The following GRAMD2B variants were observed in gnomAD, a reference collection of about 807,000 sequenced individuals.
GRAMD2B encodes GRAM domain-containing protein 2B.
GRAMD2B carries 41 observed loss-of-function variants against 59.2 expected under a neutral mutation model. The ratio of observed to expected loss-of-function variants is 0.69; its 90% CI spans 0.54 to 0.90. The LOEUF (loss-of-function observed/expected upper bound fraction) is 0.90, where lower values mean the gene tolerates loss of function less well. Among genes scored for constraint, GRAMD2B ranks in the 40% least tolerant of loss-of-function variants. The probability of loss-of-function intolerance (pLI) is 0.00; values close to 1 mark genes in which losing one functional copy is unlikely to be tolerated. For missense variants in GRAMD2B, 424 were observed against 500.5 expected (o/e 0.85, Z 1.46); for synonymous variants, 161 against 182.7 (o/e 0.88, Z 0.96).
intron 4 of GRAMD2B, 48 bp from the exon 5 acceptor site, chr5:126,473,217 T>G (rs781155473): frequency 1.4e-6 from 1 of 691,196 alleles, no homozygotes; most frequent in Non-Finnish European, 2.3e-6. Context: ...CGGTTTTTAT[T>G]TTAAGTGGAA....
At chr5:126,484,602 A>G (rs1009822808) in intron 10 of GRAMD2B, 78 bp downstream of exon 10, 42 of 1,289,618 alleles carry the variant, frequency 3.3e-5, no homozygotes, top group Non-Finnish European at 4.3e-5. Flanking sequence ...TTTTTTTTAG[A>G]CAGCATCTTG....
chr5:126,415,625 A>T (rs926956775), intron 1 of GRAMD2B, among the ~76,000 whole-genome samples: 4 of 152,200 alleles, frequency 2.6e-5, no homozygotes, highest in Non-Finnish European at 5.9e-5. Flanking sequence ...ATCTGTGGCT[A>T]CTTGAGAAAA....
rs544704394 is a variant in GRAMD2B, at chr5:126,456,655, C to T, written c.84-8771C>T. 2.6e-5 allele frequency among the ~76,000 whole-genome samples: 4 copies of T among 152,292 alleles called. No individual in the cohort carries two copies. The South Asian group carries it at 6.2e-4, about 24-fold the overall frequency. ...ATGGAAAAGAATCAACTCCCTTATA[C>T]TAACTCCCTCCTTCCCTCTCTTCCT... is the stretch of plus-strand genomic sequence containing the variant. On this transcript the variant is annotated intron_variant, in intron 1 of 13. Coordinates refer to ENST00000285689, the MANE Select transcript of GRAMD2B (RefSeq NM_023927.4).
At chr5:126,434,071 A>AT (rs1345182153) in intron 1 of GRAMD2B, 2 of 152,200 alleles carry the variant, frequency 1.3e-5, no homozygotes, top group Non-Finnish European at 2.9e-5. Flanking sequence ...GGATTAGATC[A>AT]TTTTTTATCA....
chr5:126,446,101 T>C (rs1030121397), intron 1 of GRAMD2B, among the ~76,000 whole-genome samples: 2 of 152,230 alleles, frequency 1.3e-5, no homozygotes, highest in African/African-American at 2.4e-5. Flanking sequence ...TGCTAATAGT[T>C]TCCCTGAAAA....
At chr5:126,465,139 A>G in intron 1 of GRAMD2B, 1 of 1,257,764 alleles carries the variant, frequency 8.0e-7, no homozygotes, top group South Asian at 2.0e-5. Flanking sequence ...CTGCCCCAGC[A>G]CAGCCCATGC....
intron 1 of GRAMD2B, among the ~76,000 whole-genome samples, chr5:126,440,197 T>C (rs1763062165): frequency 6.6e-6 from 1 of 152,048 alleles, no homozygotes; most frequent in East Asian, 1.9e-4. Flanking sequence ...TTAATAAGAC[T>C]TCAAGTAAAA....
intron 1 of GRAMD2B, among the ~76,000 whole-genome samples, chr5:126,364,429 T>C (rs952944681): frequency 6.6e-6 from 1 of 152,244 alleles, no homozygotes; most frequent in Admixed American, 6.5e-5. Context: ...ATCTAATTAC[T>C]TCACACAATA....
Position 126,423,446 on chromosome 5 carries a change from C to T in GRAMD2B, c.-161C>T, listed in dbSNP as rs1213276998. 5.6e-6 allele frequency: 8 copies of T among 1,416,362 alleles called. No homozygotes were observed. Among genetic ancestry groups the T allele is most frequent in the Non-Finnish European group, 7.3e-6 (8 of 1,091,436 alleles). The allele number at this position is 1,416,362 out of a possible 1,614,324, so 87.7% of individuals were successfully genotyped here. ...TCCGACGTGTCCAGGTCCGCGGCCC[C>T]GGGAGCTTGGCGCGGCCCGGCCTGG... On this transcript the variant is annotated 5_prime_UTR_variant, in exon 1 of 14. Transcript: ENST00000285689.
At chr5:126,373,891 T>C (rs1455227946) in intron 1 of GRAMD2B, among the ~76,000 whole-genome samples, 1 of 152,080 alleles carries the variant, frequency 6.6e-6, no homozygotes, top group Non-Finnish European at 1.5e-5. Context: ...ATCAGAGAGA[T>C]AAACAGATGA....
intron 8 of GRAMD2B, among the ~76,000 whole-genome samples, chr5:126,481,213 AAGAAAGAAAGAAAGAAAG>A (rs1771733374): frequency 2.8e-4 from 2 of 7,068 alleles, no homozygotes; most frequent in African/African-American, 4.2e-4. Context: ...AAAAGAAAGA[AAGAAAGAAAGAAAGAAAG>A]AAAGAAAGAA....
intron 1 of GRAMD2B, among the ~76,000 whole-genome samples, chr5:126,372,247 T>A (rs953015197): frequency 6.6e-6 from 1 of 152,168 alleles, no homozygotes. Context: ...AATGTAGAAA[T>A]TTAGTATAAG....
intron 3 of GRAMD2B, among the ~76,000 whole-genome samples, chr5:126,471,775 T>TG (rs1769632226): frequency 6.6e-6 from 1 of 152,166 alleles, no homozygotes; most frequent in Non-Finnish European, 1.5e-5. Flanking sequence ...GGAGATTAAG[T>TG]GACTAAGCCA....
At position 126,400,816 on chromosome 5, in the gene GRAMD2B, T is replaced by C. The variant is rs116560726; in HGVS notation, c.125+29249T>C. On this transcript the variant is annotated intron_variant, in intron 1 of 8. Transcript: ENST00000506445. ...TAGTTTCTGCTGGTAAATCTTCTGA[T>C]AGTCTTATATACATTCCCTTGTATG... Among the ~76,000 whole-genome samples the C allele has an allele frequency of 7.7e-3, 1,165 of 152,270 alleles. 8 individuals carry two copies. Among genetic ancestry groups the C allele is most frequent in the African/African-American group, 0.025 (1,052 of 41,572 alleles).
intron 1 of GRAMD2B, among the ~76,000 whole-genome samples, chr5:126,454,371 G>A (rs1765900568): frequency 1.3e-5 from 2 of 152,100 alleles, no homozygotes; most frequent in African/African-American, 2.4e-5. Flanking sequence ...TTCCAAGGGT[G>A]GAAGGGAAAT....
intron 8 of GRAMD2B, among the ~76,000 whole-genome samples, chr5:126,481,191 TA>T (rs1181378327): frequency 2.6e-4 from 11 of 42,588 alleles, no homozygotes; most frequent in African/African-American, 9.3e-4. Flanking sequence ...GAATTAACTG[TA>T]AAAAAAAAAA....
intron 6 of GRAMD2B, among the ~76,000 whole-genome samples, chr5:126,478,995 T>G (rs922759973): frequency 6.6e-6 from 1 of 152,196 alleles, no homozygotes; most frequent in African/African-American, 2.4e-5. Context: ...ATATAGAAAT[T>G]CCAGAGCTGA....
Position 126,493,598 on chromosome 5 carries a change from T to G in GRAMD2B, c.*642T>G, listed in dbSNP as rs1774295750. 1 of 152,268 alleles carries G rather than the reference T, an allele frequency of 6.6e-6. No homozygotes were observed. The allele number at this position is 152,268 out of a possible 1,614,324, so 9.4% of individuals were successfully genotyped here. A position where few individuals can be genotyped will look rare whatever the true frequency, so the allele number is the denominator to read the frequency against. On this transcript the variant is annotated 3_prime_UTR_variant, in exon 14 of 14. Coordinates refer to ENST00000285689, the MANE Select transcript of GRAMD2B (RefSeq NM_023927.4). ...TTTAACATTATGTTTATGTTTTGTT[T>G]TGTTGCTGTAACTAATAGTTAATTG...
At position 126,493,062 on chromosome 5, in the gene GRAMD2B, A is replaced by G; in HGVS notation, c.*106A>G. The G allele has an allele frequency of 1.3e-6, 1 of 790,702 alleles. No individual in the cohort carries two copies. The highest frequency in any genetic ancestry group is 2.5e-5 in the East Asian group (1 of 40,264). The allele number at this position is 790,702 out of a possible 1,614,324, so 49.0% of individuals were successfully genotyped here. On this transcript the variant is annotated 3_prime_UTR_variant, in exon 14 of 14. Coordinates refer to ENST00000285689, the MANE Select transcript of GRAMD2B (RefSeq NM_023927.4). ...CACCCTGCTGGTCAGAGGTGCAAGC[A>G]GATGAGAATCCAGACATTGCATGTG...
Sources: allele counts gnomAD v4.1 joint callset (sites outside exome capture counted in the v4.1 genomes callset), GRCh38; gene constraint gnomAD v4.1.1; transcripts MANE v1.5; gene names NCBI Gene and HGNC (gene_info 2026-07-23, HGNC 2026-07-21).